Variants in GHR observed in about 807,000 individuals in gnomAD.
The protein encoded by GHR is GH receptor.
A neutral mutation model predicts 67.1 loss-of-function variants in GHR; 35 were observed. The ratio of observed to expected loss-of-function variants is 0.52; its 90% CI spans 0.40 to 0.69. The LOEUF is 0.69. Among genes scored for constraint, GHR ranks in the 30% least tolerant of loss-of-function variants. GHR has a pLI of 0.00. For synonymous variants in GHR, 272 were observed against 269.1 expected (o/e 1.01, Z -0.10); for missense variants, 792 against 764.6 (o/e 1.04, Z -0.42).
intron 1 of GHR, among the ~76,000 whole-genome samples, chr5:42,430,114 T>C (rs977809953): frequency 6.6e-6 from 1 of 152,216 alleles, no homozygotes; most frequent in African/African-American, 2.4e-5. Context: ...CCATGTCCTG[T>C]TGTAGGTCTG....
chr5:42,681,363 A>C (rs180883882), intron 3 of GHR, among the ~76,000 whole-genome samples: 47 of 152,314 alleles, frequency 3.1e-4, no homozygotes, highest in African/African-American at 1.0e-3. Flanking sequence ...AAAAATGCTC[A>C]TCATCACTGG....
intron 1 of GHR, among the ~76,000 whole-genome samples, chr5:42,453,000 G>A (rs1744114980): frequency 6.6e-6 from 1 of 151,502 alleles, no homozygotes; most frequent in South Asian, 2.1e-4. Context: ...TACTTTTCTG[G>A]TTCCTTCTCA....
intron 2 of GHR, among the ~76,000 whole-genome samples, chr5:42,628,594 G>C (rs1443046946): frequency 7.6e-6 from 1 of 131,512 alleles, no homozygotes; most frequent in Non-Finnish European, 1.6e-5. Flanking sequence ...ATCTGCAGTT[G>C]GTTAAAGGAA....
At chr5:42,596,513 A>C (rs1224484219) in intron 2 of GHR, among the ~76,000 whole-genome samples, 1 of 152,170 alleles carries the variant, frequency 6.6e-6, no homozygotes, top group Non-Finnish European at 1.5e-5. Flanking sequence ...ATAGTCCTGG[A>C]GCACCAGGGC....
At chr5:42,460,178 C>T (rs143349219) in intron 1 of GHR, among the ~76,000 whole-genome samples, 185 of 152,290 alleles carry the variant, frequency 1.2e-3, no homozygotes, top group African/African-American at 4.3e-3. Flanking sequence ...AGAGCCCTCA[C>T]CAGGAACTTA....
At chr5:42,671,873 G>A (rs12658591) in intron 3 of GHR, among the ~76,000 whole-genome samples, 2,614 of 149,026 alleles carry the variant, frequency 0.018, 135 homozygotes, top group South Asian at 0.16. Context: ...GGAGAATGGC[G>A]TGAACCCGGG....
At chr5:42,464,230 T>C (rs1452007688) in intron 1 of GHR, among the ~76,000 whole-genome samples, 1 of 152,110 alleles carries the variant, frequency 6.6e-6, no homozygotes, top group Admixed American at 6.5e-5. Flanking sequence ...ACATTTACGA[T>C]GTACATGAAC....
At chr5:42,641,778 T>C (rs1469138693) in intron 3 of GHR, among the ~76,000 whole-genome samples, 2 of 152,180 alleles carry the variant, frequency 1.3e-5, no homozygotes, top group African/African-American at 4.8e-5. Flanking sequence ...CATGAGTAAA[T>C]AAGCTTGTAG....
At chr5:42,554,592 C>T (rs1349815954) in intron 1 of GHR, among the ~76,000 whole-genome samples, 2 of 152,034 alleles carry the variant, frequency 1.3e-5, no homozygotes, top group Non-Finnish European at 2.9e-5. Context: ...GGGAGCTGGC[C>T]GCTTGGACTT....
At chr5:42,486,574 A>G (rs754108886) in intron 1 of GHR, among the ~76,000 whole-genome samples, 52 of 152,352 alleles carry the variant, frequency 3.4e-4, no homozygotes, top group African/African-American at 1.2e-3. Context: ...TTGGCCGGGC[A>G]CGGTGGCTTA....
At chr5:42,498,153 C>T (rs951631620) in intron 1 of GHR, among the ~76,000 whole-genome samples, 2 of 152,198 alleles carry the variant, frequency 1.3e-5, no homozygotes, top group African/African-American at 4.8e-5. Flanking sequence ...GTGCTACTTA[C>T]CTTGGGTTCC....
At chr5:42,703,178 G>T (rs1345715507) in intron 6 of GHR, among the ~76,000 whole-genome samples, 1 of 151,826 alleles carries the variant, frequency 6.6e-6, no homozygotes, top group Non-Finnish European at 1.5e-5. Flanking sequence ...TCCAGTAGTT[G>T]TACAGTTTCA....
rs570966616 is a variant in GHR at position 42,493,137 on chromosome 5, C to T, written c.-12+69182C>T. ...CCTCGCAGTGGATGAGTGATTGGGG[C>T]GTTTTCTGGTTTCAGTGATTCTGTA... On this transcript the variant is annotated intron_variant, in intron 1 of 9. Coordinates refer to ENST00000230882, the MANE Select transcript of GHR (RefSeq NM_000163.5). Among the ~76,000 whole-genome samples, 14 of 152,202 alleles carry T rather than the reference C, an allele frequency of 9.2e-5. No homozygotes were observed. The East Asian group carries it at 1.4e-3, about 15-fold the overall frequency.
At chr5:42,475,381 A>G (rs1428159365) in intron 1 of GHR, among the ~76,000 whole-genome samples, 2 of 152,068 alleles carry the variant, frequency 1.3e-5, no homozygotes, top group Non-Finnish European at 2.9e-5. Flanking sequence ...CCTCACTTGC[A>G]GAGACCCCTT....
At chr5:42,668,028 G>A (rs1229914653) in intron 3 of GHR, among the ~76,000 whole-genome samples, 2 of 152,002 alleles carry the variant, frequency 1.3e-5, no homozygotes, top group African/African-American at 2.4e-5. Context: ...ACTGGATTAC[G>A]ATCTTCAAGG....
chr5:42,716,256 C>T (rs1758716943), intron 8 of GHR, among the ~76,000 whole-genome samples: 1 of 151,882 alleles, frequency 6.6e-6, no homozygotes, highest in Non-Finnish European at 1.5e-5. Flanking sequence ...GGGTTTGAGC[C>T]CCAACTGTGC....
intron 1 of GHR, among the ~76,000 whole-genome samples, chr5:42,474,295 G>GAGAAAGAGAGAAAGAAAGAAAGAA: frequency 1.2e-5 from 1 of 81,112 alleles, no homozygotes; most frequent in South Asian, 4.5e-4. Flanking sequence ...AAAAGAGAAA[G>GAGAAAGAGAGAAAGAAAGAAAGAA]AGAAAGAAAG....
chr5:42,667,863 A>G (rs1756071050), intron 3 of GHR, among the ~76,000 whole-genome samples: 1 of 152,154 alleles, frequency 6.6e-6, no homozygotes, highest in Admixed American at 6.6e-5. Context: ...TGATGACCCT[A>G]TTCTTACTCC....
chr5:42,572,640 C>T (rs948713873), intron 2 of GHR, among the ~76,000 whole-genome samples: 3 of 152,106 alleles, frequency 2.0e-5, no homozygotes, highest in Non-Finnish European at 4.4e-5. Flanking sequence ...GTCCCTTGTT[C>T]CCAGGATGAA....
Sources: allele counts gnomAD v4.1 joint callset (sites outside exome capture counted in the v4.1 genomes callset), GRCh38; gene constraint gnomAD v4.1.1; transcripts MANE v1.5; gene names NCBI Gene and HGNC (gene_info 2026-07-23, HGNC 2026-07-21).